LMTK3: variants seen among roughly 807,000 people sequenced by gnomAD.
LMTK3 encodes lemur tail kinase 3.
LMTK3 carries 27 observed loss-of-function variants against 116.7 expected under a neutral mutation model. That is an observed-to-expected ratio of 0.23 (90% CI 0.17 to 0.32). The LOEUF (loss-of-function observed/expected upper bound fraction) is 0.32. Ranked by LOEUF, LMTK3 falls within the 10% of genes least tolerant of loss-of-function variation. The pLI, the probability that LMTK3 is intolerant of heterozygous loss-of-function variation, is 1.00. For missense variants in LMTK3, 1,764 were observed against 2,068.5 expected (o/e 0.85, Z 2.86); for synonymous variants, 965 against 971.0 (o/e 0.99, Z 0.11).
At position 48,498,767 on chromosome 19, in the gene LMTK3, C is replaced by T. The variant is rs1185392633; in HGVS notation, c.2302G>A (p.Ala768Thr). 25 of 969,428 alleles carry T rather than the reference C, an allele frequency of 2.6e-5. No individual in the cohort carries two copies. The East Asian group carries it at 3.9e-4, about 15-fold the overall frequency. 60.1% of individuals were successfully genotyped at this position (969,428 alleles called of 1,614,324 possible). The change falls in exon 11 of 15, where the codon GCG (alanine) becomes ACG (threonine). Residue 768 changes from alanine to threonine, a missense_variant. This residue lies in a region of LMTK3 where 1,028 missense variants were observed against 1,050.6 expected (regional missense o/e 0.98). Coordinates refer to ENST00000600059, the MANE Select transcript of LMTK3 (RefSeq NM_001388485.1). ...ACGGCCGAAGGGGGGTCGGGGGACGCGGCCGGGTCCGCGGGGGCCCGAGGA... is the reference window on the plus strand; with the variant it reads ...ACGGCCGAAGGGGGGTCGGGGGACGTGGCCGGGTCCGCGGGGGCCCGAGGA... ...PPPRAPADPA[A>T]SPDPPSAVAS...
chr19:48,510,382 C>G, intron 2 of LMTK3, 77 bp downstream of exon 2: 1 of 1,517,504 alleles, frequency 6.6e-7, no homozygotes, highest in Non-Finnish European at 8.8e-7. Context: ...CCCCTTCTCC[C>G]CACCAACCAC....
intron 5 of LMTK3, among the ~76,000 whole-genome samples, chr19:48,508,505 G>T (rs1972606105): frequency 6.6e-6 from 1 of 152,084 alleles, no homozygotes; most frequent in Non-Finnish European, 1.5e-5. Flanking sequence ...GTACCAGCTG[G>T]TACCCAACAT....
chr19:48,498,824 G>GC lies in LMTK3; in HGVS notation c.2244dup (p.Pro749AlafsTer791). On this transcript the variant is annotated frameshift_variant, in exon 11 of 15. Coordinates refer to ENST00000600059, the MANE Select transcript of LMTK3 (RefSeq NM_001388485.1). LOFTEE classifies it high-confidence loss of function. ...GGCGGGGGGGGGGGAGCGGGAGGTGGCCCCCGCCCGGGGTACTGGGGCGCC... is the reference window on the plus strand; with the variant it reads ...GGCGGGGGGGGGGGAGCGGGAGGTGGCCCCCCGCCCGGGGTACTGGGGCGCC... 2 of 1,208,654 alleles carry GC rather than the reference G, an allele frequency of 1.7e-6. No homozygotes were observed. Among genetic ancestry groups the GC allele is most frequent in the African/African-American group, 1.7e-5 (1 of 60,076 alleles). The allele number at this position is 1,208,654 out of a possible 1,614,324, so 74.9% of individuals were successfully genotyped here.
In LMTK3 at chr19:48,485,582, T is replaced by TG. The variant is rs1972107435; in HGVS notation, c.*190dup. Reference sequence around the variant, plus strand: ...GGTCAGGGGGGTCAGGGGAGCCATCTGGGGGGCTGGGGGGCGGGGGCCCGG... The same window carrying TG: ...GGTCAGGGGGGTCAGGGGAGCCATCTGGGGGGGCTGGGGGGCGGGGGCCCGG... On this transcript the variant is annotated 3_prime_UTR_variant, in exon 15 of 15. Transcript: ENST00000600059. The TG allele has an allele frequency of 1.1e-5, 5 of 445,628 alleles. No individual in the cohort carries two copies. Among genetic ancestry groups the TG allele is most frequent in the Admixed American group, 5.3e-5 (1 of 18,718 alleles). The allele number at this position is 445,628 out of a possible 1,614,324, so 27.6% of individuals were successfully genotyped here. A position where few individuals can be genotyped will look rare whatever the true frequency, so the allele number is the denominator to read the frequency against.
chr19:48,489,503 G>C (rs1972183947), intron 14 of LMTK3, among the ~76,000 whole-genome samples: 2 of 151,482 alleles, frequency 1.3e-5, no homozygotes, highest in African/African-American at 4.9e-5. Context: ...AACCCGGGAG[G>C]TGGAGGTTGC....
chr19:48,510,309 C>T, intron 2 of LMTK3, 136 bp from the exon 3 acceptor site: 1 of 1,407,080 alleles, frequency 7.1e-7, no homozygotes, highest in Non-Finnish European at 9.6e-7. Context: ...CCCCCATTTC[C>T]CCATCCCAAG....
At chr19:48,508,459 T>C (rs1972605658) in intron 5 of LMTK3, among the ~76,000 whole-genome samples, 1 of 152,080 alleles carries the variant, frequency 6.6e-6, no homozygotes, top group African/African-American at 2.4e-5. Flanking sequence ...CTCGGGCACC[T>C]GCTCAGGGAC....
chr19:48,498,797 G>T lies in LMTK3; in HGVS notation c.2272C>A (p.Pro758Thr). The change falls in exon 11 of 15, where the codon CCA (proline) becomes ACA (threonine). Residue 758 changes from proline (P) to threonine (T), a missense_variant. Around this residue, in one of 7 missense-constraint regions of LMTK3, gnomAD observed 1,028 missense variants for 1,050.6 expected, o/e 0.98. Coordinates refer to ENST00000600059, the MANE Select transcript of LMTK3 (RefSeq NM_001388485.1). ...GPPPAPPPPPPPPRAPADPAA... is the reference protein window; with the variant it reads ...GPPPAPPPPPTPPRAPADPAA... ...GGGTCCGCGGGGGCCCGAGGAGGTGGCGGCGGGGGGGGGGGAGCGGGAGGT... is the reference window on the plus strand; with the variant it reads ...GGGTCCGCGGGGGCCCGAGGAGGTGTCGGCGGGGGGGGGGGAGCGGGAGGT... The T allele has an allele frequency of 8.1e-7, 1 of 1,241,490 alleles. No homozygotes were observed. The highest frequency in any genetic ancestry group is 1.0e-6 in the Non-Finnish European group (1 of 962,488). The allele number at this position is 1,241,490 out of a possible 1,614,324, so 76.9% of individuals were successfully genotyped here. A position where few individuals can be genotyped will look rare whatever the true frequency, so the allele number is the denominator to read the frequency against.
At position 48,502,424 on chromosome 19, in the gene LMTK3, C is replaced by T; in HGVS notation, c.794+9G>A. On this transcript the variant is annotated intron_variant, in intron 7 of 14. Transcript: ENST00000600059. Reference sequence around the variant, plus strand: ...AGTAGCTCCTCCCGCGGCTCCCCGGCCCGCCCACCTGTGCACGTAGTTGTG... The same window carrying T: ...AGTAGCTCCTCCCGCGGCTCCCCGGTCCGCCCACCTGTGCACGTAGTTGTG... 7 of 1,608,936 alleles carry T rather than the reference C, an allele frequency of 4.4e-6. No homozygotes were observed. The highest frequency in any genetic ancestry group is 5.9e-6 in the Non-Finnish European group (7 of 1,178,460).
At position 48,497,333 on chromosome 19, in the gene LMTK3, C is replaced by T. The variant is rs966158384; in HGVS notation, c.3676+60G>A. 1.2e-4 allele frequency: 165 copies of T among 1,407,502 alleles called. No individual in the cohort carries two copies. The highest frequency in any genetic ancestry group is 1.4e-4 in the Non-Finnish European group (154 of 1,073,950). The allele number at this position is 1,407,502 out of a possible 1,614,324, so 87.2% of individuals were successfully genotyped here. On this transcript the variant is annotated intron_variant, in intron 11 of 14. Transcript: ENST00000600059. This position sits in a 1 kb window ranked among gnomAD's most constrained non-coding sequence, Gnocchi z 5.7. The stretch of plus-strand genomic sequence containing the variant: ...CCCGACATGTTTACCCACACTCACC[C>T]TCCGCACGCCTCGGAAACAGCCGGA...
chr19:48,510,703 A>G (rs1601060237), intron 1 of LMTK3, 111 bp from the exon 2 acceptor site: 5 of 1,276,330 alleles, frequency 3.9e-6, no homozygotes, highest in Non-Finnish European at 5.2e-6. Context: ...ATGCTCTGCG[A>G]CCAGGGTCCC....
At chr19:48,489,620 G>C (rs1972186883) in intron 14 of LMTK3, among the ~76,000 whole-genome samples, 1 of 152,200 alleles carries the variant, frequency 6.6e-6, no homozygotes, top group South Asian at 2.1e-4. Flanking sequence ...GTTAGAGACT[G>C]CTGCTGCACA....
chr19:48,493,890 CCCGCCGCCGCGCCCGGCG>C lies in LMTK3; in HGVS notation c.3878_3895del (p.Ala1293_Ala1298del), dbSNP rs1317728989. 2.0e-5 allele frequency: 21 copies of C among 1,061,814 alleles called. 1 individual carries two copies. In the East Asian group the frequency reaches 4.3e-4, roughly 22 times the overall value. 65.8% of individuals were successfully genotyped at this position (1,061,814 alleles called of 1,614,324 possible). On this transcript the variant is annotated inframe_deletion, in exon 12 of 15. Transcript: ENST00000600059. ...TCGCGCCCTCCCGGGGCCCCGCGGC[CCCGCCGCCGCGCCCGGCG>C]CCGCCGCCTCCTCGTCCTCCTCCTC...
chr19:48,498,756 G>T lies in LMTK3; in HGVS notation c.2313C>A (p.Asp771Glu), dbSNP rs901175704. The part of the protein sequence containing the change: ...RAPADPAASP[D>E]PPSAVASPGS... ...CGGGACTGGCCACGGCCGAAGGGGG[G>T]TCGGGGGACGCGGCCGGGTCCGCGG... Residue 771 changes from aspartate to glutamate, a missense_variant, in exon 11 of 15, where the codon GAC becomes GAA. Asp to Glu is a conservative substitution (Grantham distance 45). Around this residue, in one of 7 missense-constraint regions of LMTK3, gnomAD observed 1,028 missense variants for 1,050.6 expected, o/e 0.98. Transcript: ENST00000600059. The T allele has an allele frequency of 6.0e-6, 9 of 1,501,178 alleles. No homozygotes were observed. The highest frequency in any genetic ancestry group is 1.4e-5 in the African/African-American group (1 of 69,744). 93.0% of individuals were successfully genotyped at this position (1,501,178 alleles called of 1,614,324 possible).
Position 48,499,363 on chromosome 19 carries a change from G to C in LMTK3, c.1706C>G (p.Ala569Gly). The change falls in exon 11 of 15, where the codon GCC (alanine) becomes GGC (glycine). Residue 569 changes from alanine (A) to glycine (G), a missense_variant. Transcript: ENST00000600059. The part of the protein sequence containing the change: ...PLDPGVPAPQ[A>G]PQAPSEVPQL... ...GGGGACCTCGGAGGGGGCCTGGGGGGCCTGAGGGGCGGGCACTCCTGGGTC... is the reference window on the plus strand; with the variant it reads ...GGGGACCTCGGAGGGGGCCTGGGGGCCCTGAGGGGCGGGCACTCCTGGGTC... 1 of 1,425,098 alleles carries C rather than the reference G, an allele frequency of 7.0e-7. No individual in the cohort carries two copies. The highest frequency in any genetic ancestry group is 9.2e-7 in the Non-Finnish European group (1 of 1,082,786). The allele number at this position is 1,425,098 out of a possible 1,614,324, so 88.3% of individuals were successfully genotyped here.
intron 5 of LMTK3, among the ~76,000 whole-genome samples, chr19:48,505,582 C>G (rs1378283821): frequency 6.6e-6 from 1 of 152,130 alleles, no homozygotes; most frequent in Non-Finnish European, 1.5e-5. Flanking sequence ...AATATATAGT[C>G]TGGGTGCAGT....
chr19:48,491,084 G>C lies in LMTK3; in HGVS notation c.4366+24C>G, dbSNP rs1824492555. ...AGGGGGACAGAGATGGGCAGAGGAG[G>C]GGGCAGGGCCGAGGATATGGTACCT... On this transcript the variant is annotated intron_variant, in intron 14 of 14. Coordinates refer to ENST00000600059, the MANE Select transcript of LMTK3 (RefSeq NM_001388485.1). The surrounding 1 kb of genome is among the most constrained non-coding windows in gnomAD (Gnocchi z 5.1). 2 of 1,330,660 alleles carry C rather than the reference G, an allele frequency of 1.5e-6. No homozygotes were observed. Among genetic ancestry groups the C allele is most frequent in the Middle Eastern group, 2.1e-4 (1 of 4,856 alleles). 82.4% of individuals were successfully genotyped at this position (1,330,660 alleles called of 1,614,324 possible). A position where few individuals can be genotyped will look rare whatever the true frequency, so the allele number is the denominator to read the frequency against.
chr19:48,500,942 A>G lies in LMTK3; in HGVS notation c.1151+54T>C. 2 of 1,449,870 alleles carry G rather than the reference A, an allele frequency of 1.4e-6. No individual in the cohort carries two copies. Among genetic ancestry groups the G allele is most frequent in the Non-Finnish European group, 1.8e-6 (2 of 1,098,398 alleles). 89.8% of individuals were successfully genotyped at this position (1,449,870 alleles called of 1,614,324 possible). On this transcript the variant is annotated intron_variant, in intron 10 of 14. Coordinates refer to ENST00000600059, the MANE Select transcript of LMTK3 (RefSeq NM_001388485.1). The surrounding 1 kb of genome is among the most constrained non-coding windows in gnomAD (Gnocchi z 4.0). ...GTGGGAAACGAGGGGGGATGCTGGG[A>G]CCATCCTGGGTGGGGTGCGGCAGGC...
At position 48,502,567 on chromosome 19, in the gene LMTK3, A is replaced by T. The variant is rs1469296713; in HGVS notation, c.660T>A (p.Arg220=). The stretch of plus-strand genomic sequence containing the variant: ...CGGGGGGCCGCTGGGCTCGGAGGTA[A>T]CGCTTCAGGTCCCCCTGGGAGGGAG... The part of the protein sequence containing the change: ...MEFCQLGDLK[R]YLRAQRPPEG... The change falls in exon 7 of 15, where the codon CGT becomes CGA. Residue 220 remains arginine, a synonymous_variant. Coordinates refer to ENST00000600059, the MANE Select transcript of LMTK3 (RefSeq NM_001388485.1). 1 of 1,567,802 alleles carries T rather than the reference A, an allele frequency of 6.4e-7. No individual in the cohort carries two copies. The highest frequency in any genetic ancestry group is 1.9e-5 in the Admixed American group (1 of 53,164).
Sources: gnomAD v4.1 joint callset for allele counts (sites outside exome capture counted in the v4.1 genomes callset) on GRCh38, gnomAD v4.1.1 for gene constraint, gnomAD v4.1.1 regional missense constraint, Gnocchi (gnomAD v3.1) non-coding constraint, MANE v1.5 for transcripts, NCBI Gene and HGNC (gene_info 2026-07-23, HGNC 2026-07-21) for gene names.